GOLGA3: variants seen among roughly 807,000 people sequenced by gnomAD.
GOLGA3 encodes the protein golgin subfamily A member 3.
In GOLGA3, 75 loss-of-function variants were observed where a neutral mutation model predicts 169.4. That is an observed-to-expected ratio of 0.44 (90% CI 0.37 to 0.54). GOLGA3 has a LOEUF of 0.54. GOLGA3 is among the 20% of genes least tolerant of loss of function. The pLI is 0.00. For synonymous variants in GOLGA3, 824 were observed against 822.4 expected (o/e 1.00, Z -0.03); for missense variants, 1,899 against 1,930.0 (o/e 0.98, Z 0.30).
rs142897047 is a variant in GOLGA3, at chr12:132,769,592, A to G, written c.*3513T>C. The G allele has an allele frequency of 6.6e-5, 10 of 152,316 alleles. No homozygotes were observed. Among genetic ancestry groups the G allele is most frequent in the Non-Finnish European group, 1.2e-4 (8 of 68,026 alleles). 9.4% of individuals were successfully genotyped at this position (152,316 alleles called of 1,614,324 possible). On this transcript the variant is annotated 3_prime_UTR_variant, in exon 24 of 24. Transcript: ENST00000450791. Reference sequence around the variant, plus strand: ...TCAATCTCACATATACCACGGAAAAACACATGAAAACCAAGTTACGTTGTT... The same window carrying G: ...TCAATCTCACATATACCACGGAAAAGCACATGAAAACCAAGTTACGTTGTT...
In GOLGA3 at chr12:132,769,445, C is replaced by G. The variant is rs901508389; in HGVS notation, c.*3660G>C. Reference sequence around the variant, plus strand: ...AGCGCAGCACAGCACGGACTGTGTTCTGGTGGGCAGGGCCCCTGCTGGACC... The same window carrying G: ...AGCGCAGCACAGCACGGACTGTGTTGTGGTGGGCAGGGCCCCTGCTGGACC... On this transcript the variant is annotated 3_prime_UTR_variant, in exon 24 of 24. Transcript: ENST00000450791. 1 of 152,288 alleles carries G rather than the reference C, an allele frequency of 6.6e-6. No individual in the cohort carries two copies. The highest frequency in any genetic ancestry group is 2.4e-5 in the African/African-American group (1 of 41,476). 9.4% of individuals were successfully genotyped at this position (152,288 alleles called of 1,614,324 possible). A position where few individuals can be genotyped will look rare whatever the true frequency, so the allele number is the denominator to read the frequency against.
Position 132,816,300 on chromosome 12 carries a change from A to T in GOLGA3, c.406+240T>A, listed in dbSNP as rs77846460. On this transcript the variant is annotated intron_variant, in intron 3 of 23. Transcript: ENST00000450791. The stretch of plus-strand genomic sequence containing the variant: ...CACAGGACATGCAGGCTGGCCTTTA[A>T]CGCAAAAGCGTCAGCACTGCTGCCA... Among the ~76,000 whole-genome samples, 396 of 152,376 alleles carry T rather than the reference A, an allele frequency of 2.6e-3. 3 individuals carry two copies. Among genetic ancestry groups the T allele is most frequent in the African/African-American group, 9.1e-3 (380 of 41,600 alleles).
intron 21 of GOLGA3, 126 bp from the exon 22 acceptor site, chr12:132,775,431 T>C (rs1422534124): frequency 1.3e-6 from 1 of 772,134 alleles, no homozygotes; most frequent in Non-Finnish European, 2.0e-6. Context: ...ATGATGCCAG[T>C]CCAGGTCCAA....
intron 10 of GOLGA3, 112 bp from the exon 11 acceptor site, chr12:132,796,332 T>C (rs1948836078): frequency 6.0e-6 from 8 of 1,333,344 alleles, no homozygotes; most frequent in Non-Finnish European, 8.1e-6. Context: ...AGGGTCTTTT[T>C]TTCACGCACA....
In GOLGA3 at chr12:132,807,905, GTC is replaced by G. The variant is rs1448644083; in HGVS notation, c.1162_1163del (p.Asp388GlnfsTer45). On this transcript the variant is annotated frameshift_variant, in exon 5 of 24. Transcript: ENST00000450791. LOFTEE classifies it high-confidence loss of function. ...EVNGEVRSRR[D>X]SICSSVSLES... ...GTCCCCACCACCTGCTGCAGATGCT[GTC>G]TCTCCGACTCCGCACCTCCCCGTTG... 6 of 1,600,092 alleles carry G rather than the reference GTC, an allele frequency of 3.7e-6. No homozygotes were observed. The highest frequency in any genetic ancestry group is 1.4e-5 in the African/African-American group (1 of 73,028).
intron 4 of GOLGA3, among the ~76,000 whole-genome samples, chr12:132,811,411 TATAA>T (rs1265149528): frequency 6.6e-6 from 1 of 152,192 alleles, no homozygotes; most frequent in Non-Finnish European, 1.5e-5. Context: ...TTTTTGTTGT[TATAA>T]ATGTTATACT....
chr12:132,780,215 C>T (rs1036713921), intron 18 of GOLGA3, among the ~76,000 whole-genome samples: 17 of 151,878 alleles, frequency 1.1e-4, no homozygotes, highest in African/African-American at 2.9e-4. Context: ...CACACGTGCA[C>T]GCACACCCCC....
intron 6 of GOLGA3, 149 bp downstream of exon 6, chr12:132,807,026 CAA>C: frequency 1.1e-5 from 6 of 550,892 alleles, no homozygotes; most frequent in Non-Finnish European, 2.0e-5. Context: ...GACAAGTAGA[CAA>C]AAAACGTAAA....
intron 13 of GOLGA3, among the ~76,000 whole-genome samples, chr12:132,788,278 C>T (rs2046031907): frequency 6.6e-6 from 1 of 152,250 alleles, no homozygotes; most frequent in Non-Finnish European, 1.5e-5. Context: ...GGGACCTTGG[C>T]TCGGTCCTCT....
In GOLGA3 at chr12:132,784,749, TCA is replaced by T. The variant is rs1175867586; in HGVS notation, c.3124-444_3124-443del. Among the ~76,000 whole-genome samples, 4 of 144,616 alleles carry T rather than the reference TCA, an allele frequency of 2.8e-5. No homozygotes were observed. The East Asian group carries it at 6.2e-4, about 22-fold the overall frequency. The allele number at this position is 144,616 out of a possible 152,430, so 94.9% of individuals were successfully genotyped here. On this transcript the variant is annotated intron_variant, in intron 15 of 23. Coordinates refer to ENST00000450791, the MANE Select transcript of GOLGA3 (RefSeq NM_001389683.1). ...GTGCTCACACCCCACACGCACATGC[TCA>T]CACCCCACGTGTTCACACCCCACAC... is the stretch of plus-strand genomic sequence containing the variant.
chr12:132,777,811 A>C lies in GOLGA3; in HGVS notation c.3583-6T>G. On this transcript the variant is annotated splice_polypyrimidine_tract_variant and splice_region_variant and intron_variant, in intron 18 of 23. Coordinates refer to ENST00000450791, the MANE Select transcript of GOLGA3 (RefSeq NM_001389683.1). The surrounding 1 kb of genome is among the most constrained non-coding windows in gnomAD (Gnocchi z 4.7). ...TCCACCTTGGCAGCAGCCACCTAGG[A>C]GGAAGGAAGCCACGTTGTCCATGCC... 3 of 1,613,276 alleles carry C rather than the reference A, an allele frequency of 1.9e-6. No homozygotes were observed. Among genetic ancestry groups the C allele is most frequent in the Non-Finnish European group, 2.5e-6 (3 of 1,179,764 alleles).
Position 132,789,027 on chromosome 12 carries a change from C to A in GOLGA3, c.2811G>T (p.Gln937His). Residue 937 changes from glutamine to histidine, a missense_variant and splice_region_variant, in exon 13 of 24, where the codon CAG becomes CAT. Gln to His is a conservative substitution (Grantham distance 24, BLOSUM62 0). Transcript: ENST00000450791. ...KERDEMETHL[Q>H]SLQFDKEQMV... Reference sequence around the variant, plus strand: ...ATGAGTCAACCCGACACGGACAGACCTGCAAGTGTGTTTCCATCTCGTCTC... The same window carrying A: ...ATGAGTCAACCCGACACGGACAGACATGCAAGTGTGTTTCCATCTCGTCTC... 6.5e-7 allele frequency: 1 copy of A among 1,541,120 alleles called. No individual in the cohort carries two copies. The highest frequency in any genetic ancestry group is 8.8e-7 in the Non-Finnish European group (1 of 1,135,654).
chr12:132,794,146 C>T (rs1948699995), intron 11 of GOLGA3, among the ~76,000 whole-genome samples: 1 of 152,100 alleles, frequency 6.6e-6, no homozygotes, highest in South Asian at 2.1e-4. Context: ...ACTTGGAACT[C>T]AGCAAACAGG....
chr12:132,780,278 T>C (rs1416296727), intron 18 of GOLGA3, among the ~76,000 whole-genome samples: 1 of 152,118 alleles, frequency 6.6e-6, no homozygotes, highest in Non-Finnish European at 1.5e-5. Flanking sequence ...GTGCCAGGTA[T>C]GGCGGAGGTA....
rs368972506 is a variant in GOLGA3 at position 132,803,368 on chromosome 12, G to A, written c.1597+1348C>T. Among the ~76,000 whole-genome samples, 12 of 152,296 alleles carry A rather than the reference G, an allele frequency of 7.9e-5. No homozygotes were observed. In the East Asian group the frequency reaches 1.3e-3, roughly 17 times the overall value. On this transcript the variant is annotated intron_variant, in intron 7 of 23. Coordinates refer to ENST00000450791, the MANE Select transcript of GOLGA3 (RefSeq NM_001389683.1). ...GAAATCTGTGAAAATGGTCATGGAC[G>A]CCGAGGCTCTGTCTTCGACCCAACG...
chr12:132,794,333 T>TTA (rs1555256058), intron 11 of GOLGA3, among the ~76,000 whole-genome samples: 13 of 132,444 alleles, frequency 9.8e-5, no homozygotes, highest in South Asian at 9.7e-4. Flanking sequence ...CGTATCTATT[T>TTA]AAAAAAAAAA....
chr12:132,813,671 C>T (rs1949821352), intron 3 of GOLGA3, among the ~76,000 whole-genome samples: 1 of 151,298 alleles, frequency 6.6e-6, no homozygotes, highest in Non-Finnish European at 1.5e-5. Flanking sequence ...ATGATGAGTA[C>T]ACCCCACCTG....
At chr12:132,782,875 CA>C (rs63295864) in intron 16 of GOLGA3, among the ~76,000 whole-genome samples, 56,332 of 101,886 alleles carry the variant, frequency 0.55, 12,674 homozygotes, top group Non-Finnish European at 0.63. Context: ...GACTCTGTCT[CA>C]AAAAAAAAAA....
At chr12:132,773,683 T>G (rs934576330) in intron 23 of GOLGA3, among the ~76,000 whole-genome samples, 1 of 152,222 alleles carries the variant, frequency 6.6e-6, no homozygotes, top group Non-Finnish European at 1.5e-5. Flanking sequence ...TCCAGGCAGT[T>G]TCCACCTATG....
Sources: gnomAD v4.1 joint callset for allele counts (sites outside exome capture counted in the v4.1 genomes callset) on GRCh38, gnomAD v4.1.1 for gene constraint, Gnocchi (gnomAD v3.1) non-coding constraint, MANE v1.5 for transcripts, NCBI Gene and HGNC (gene_info 2026-07-23, HGNC 2026-07-21) for gene names.